The following CEP97 variants were observed in gnomAD, a reference collection of about 807,000 sequenced individuals.
CEP97 encodes the protein centrosomal protein 97.
CEP97 carries 43 observed loss-of-function variants against 73.1 expected under a neutral mutation model. That is an observed-to-expected ratio of 0.59 (90% CI 0.46 to 0.76). The LOEUF (loss-of-function observed/expected upper bound fraction) is 0.76. CEP97 is among the 30% of genes least tolerant of loss of function. The probability of loss-of-function intolerance (pLI) is 0.00; values close to 1 mark genes in which losing one functional copy is unlikely to be tolerated. For synonymous variants in CEP97, 337 were observed against 370.0 expected (o/e 0.91, Z 1.02); for missense variants, 939 against 1,014.0 (o/e 0.93, Z 1.00).
intron 6 of CEP97, among the ~76,000 whole-genome samples, chr3:101,748,129 CA>C (rs71625598): frequency 0.21 from 11,175 of 52,816 alleles, 144 homozygotes; most frequent in East Asian, 0.37. Flanking sequence ...GACCTTGTCT[CA>C]AAAAAAAAAA....
intron 6 of CEP97, among the ~76,000 whole-genome samples, 183 bp from the exon 7 acceptor site, chr3:101,755,247 A>G (rs1239613379): frequency 6.6e-6 from 1 of 152,212 alleles, no homozygotes; most frequent in Admixed American, 6.5e-5. Context: ...GGTTTGAAAC[A>G]TTATTAGAAT....
chr3:101,728,322 C>T (rs1037612142), intron 3 of CEP97, among the ~76,000 whole-genome samples: 11 of 150,406 alleles, frequency 7.3e-5, no homozygotes, highest in Non-Finnish European at 1.3e-4. Flanking sequence ...TGCAGTGGCA[C>T]GATCTTGGCT....
chr3:101,744,954 C>A (rs990719132), intron 6 of CEP97, among the ~76,000 whole-genome samples: 2 of 152,302 alleles, frequency 1.3e-5, no homozygotes, highest in Non-Finnish European at 2.9e-5. Flanking sequence ...CATCAGGTAG[C>A]TAGATCTTGA....
At chr3:101,756,471 C>G (rs1445036672) in intron 7 of CEP97, among the ~76,000 whole-genome samples, 1 of 151,750 alleles carries the variant, frequency 6.6e-6, no homozygotes, top group Non-Finnish European at 1.5e-5. Flanking sequence ...TCAAATGATC[C>G]TCCCTCTTCA....
At chr3:101,740,868 C>T (rs771248376) in intron 6 of CEP97, among the ~76,000 whole-genome samples, 17 of 152,242 alleles carry the variant, frequency 1.1e-4, no homozygotes, top group South Asian at 1.0e-3. Context: ...GGATTACAGG[C>T]GTGAGCCAGC....
chr3:101,757,511 G>A (rs1282908801), intron 8 of CEP97, 123 bp from the exon 9 acceptor site: 2 of 872,734 alleles, frequency 2.3e-6, no homozygotes, highest in Non-Finnish European at 1.7e-6. Context: ...CGGCATATTG[G>A]AAGAAGTCAC....
At chr3:101,760,910 T>A (rs1939155684) in intron 9 of CEP97, among the ~76,000 whole-genome samples, 1 of 152,116 alleles carries the variant, frequency 6.6e-6, no homozygotes, top group Admixed American at 6.6e-5. Flanking sequence ...TCACCCAGGC[T>A]GGAGTGCAAT....
intron 6 of CEP97, among the ~76,000 whole-genome samples, chr3:101,754,340 T>C (rs1396396921): frequency 6.6e-6 from 1 of 152,142 alleles, no homozygotes; most frequent in Non-Finnish European, 1.5e-5. Flanking sequence ...TATTATCACA[T>C]CTTAAAAAAA....
In CEP97 at chr3:101,758,388, A is replaced by G. The variant is rs763909539; in HGVS notation, c.1782A>G (p.Gln594=). The G allele has an allele frequency of 6.2e-7, 1 of 1,614,200 alleles. No individual in the cohort carries two copies. The change falls in exon 9 of 11, where the codon CAA becomes CAG. Residue 594 remains glutamine (Q), a synonymous_variant. Coordinates refer to ENST00000341893, the MANE Select transcript of CEP97 (RefSeq NM_024548.4). ...VRYEIRLRRM[Q]EHIVCLTDEI... Reference sequence around the variant, plus strand: ...ACGAAATCCGGCTACGCAGAATGCAAGAGCACATTGTCTGCTTAACTGATG... The same window carrying G: ...ACGAAATCCGGCTACGCAGAATGCAGGAGCACATTGTCTGCTTAACTGATG...
intron 4 of CEP97, among the ~76,000 whole-genome samples, chr3:101,730,022 T>C (rs1938043509): frequency 6.6e-6 from 1 of 152,134 alleles, no homozygotes; most frequent in African/African-American, 2.4e-5. Flanking sequence ...GCCAGGCTGA[T>C]TTTGAACTCC....
chr3:101,738,673 A>G (rs907356626), intron 6 of CEP97, among the ~76,000 whole-genome samples: 4 of 152,248 alleles, frequency 2.6e-5, no homozygotes, highest in Non-Finnish European at 5.9e-5. Flanking sequence ...TCTCTGGTAC[A>G]CATTTAAAGC....
chr3:101,732,783 C>T (rs1033103551), intron 6 of CEP97, 129 bp downstream of exon 6: 1 of 696,016 alleles, frequency 1.4e-6, no homozygotes, highest in Non-Finnish European at 2.3e-6. Context: ...ATGTAGCAGA[C>T]TATATGCTGG....
In CEP97 at chr3:101,735,094, T is replaced by C. The variant is rs563471430; in HGVS notation, c.728+2440T>C. Among the ~76,000 whole-genome samples, 4 of 152,308 alleles carry C rather than the reference T, an allele frequency of 2.6e-5. No homozygotes were observed. The South Asian group carries it at 8.3e-4, about 32-fold the overall frequency. ...GACTGGTCATATAGTAGGTGCTTAA[T>C]AAATGATATTATATAAGGATAGAGA... On this transcript the variant is annotated intron_variant, in intron 6 of 10. Coordinates refer to ENST00000341893, the MANE Select transcript of CEP97 (RefSeq NM_024548.4).
chr3:101,755,622 T>C, intron 7 of CEP97, 28 bp downstream of exon 7: 2 of 1,608,698 alleles, frequency 1.2e-6, no homozygotes, highest in Non-Finnish European at 8.5e-7. Context: ...TAACAACTGA[T>C]GAATTCACAA....
At chr3:101,757,291 T>G in intron 8 of CEP97, 95 bp downstream of exon 8, 1 of 1,410,484 alleles carries the variant, frequency 7.1e-7, no homozygotes, top group Non-Finnish European at 9.6e-7. Flanking sequence ...TCATAATTTT[T>G]TGTTAGTTTA....
intron 6 of CEP97, among the ~76,000 whole-genome samples, chr3:101,747,451 G>A (rs1195416230): frequency 6.6e-6 from 1 of 151,690 alleles, no homozygotes; most frequent in Non-Finnish European, 1.5e-5. Flanking sequence ...AGTAGAGATG[G>A]GGTTTCACTG....
At chr3:101,734,870 G>T (rs749633491) in intron 6 of CEP97, among the ~76,000 whole-genome samples, 7 of 152,200 alleles carry the variant, frequency 4.6e-5, no homozygotes, top group African/African-American at 7.2e-5. Context: ...TGTAAAGAGA[G>T]ACCCACAAAG....
Position 101,755,423 on chromosome 3 carries a change from A to C in CEP97, c.729-7A>C, listed in dbSNP as rs1214830253. 6.2e-7 allele frequency: 1 copy of C among 1,613,554 alleles called. No homozygotes were observed. Among genetic ancestry groups the C allele is most frequent in the East Asian group, 2.2e-5 (1 of 44,876 alleles). ...CATCTCCTCTTTTTTATGTTCCCCAATTCCAGTTTGAAAGCTGAATGGCTC... is the reference window on the plus strand; with the variant it reads ...CATCTCCTCTTTTTTATGTTCCCCACTTCCAGTTTGAAAGCTGAATGGCTC... On this transcript the variant is annotated splice_polypyrimidine_tract_variant and splice_region_variant and intron_variant, in intron 6 of 10. Transcript: ENST00000341893.
At chr3:101,726,541 T>G in intron 1 of CEP97, 53 bp from the exon 2 acceptor site, 1 of 1,413,392 alleles carries the variant, frequency 7.1e-7, no homozygotes, top group East Asian at 2.4e-5. Context: ...TGCTTAGCTG[T>G]TGTACATGTT....
Sources: allele counts gnomAD v4.1 joint callset (sites outside exome capture counted in the v4.1 genomes callset), GRCh38; gene constraint gnomAD v4.1.1; transcripts MANE v1.5; gene names NCBI Gene and HGNC (gene_info 2026-07-23, HGNC 2026-07-21).